The following CEP170 variants were observed in gnomAD, a reference collection of about 807,000 sequenced individuals.
CEP170 encodes centrosomal protein 170.
Under a neutral mutation model 151.9 loss-of-function variants are expected in CEP170, and 21 were observed. The ratio of observed to expected loss-of-function variants is 0.14; its 90% CI spans 0.10 to 0.20. CEP170 has a LOEUF of 0.20. Among genes scored for constraint, CEP170 ranks in the 10% least tolerant of loss-of-function variants. The pLI is 1.00. For synonymous variants in CEP170, 356 were observed against 648.8 expected (o/e 0.55, Z 6.86); for missense variants, 964 against 1,892.9 (o/e 0.51, Z 9.11).
chr1:243,135,356 G>A (rs1243677517), intron 17 of CEP170, among the ~76,000 whole-genome samples: 1 of 152,092 alleles, frequency 6.6e-6, no homozygotes, highest in African/African-American at 2.4e-5. Context: ...ACAGGCGCCC[G>A]CCACCACGCC....
At chr1:243,176,286 G>C (rs957466008) in intron 10 of CEP170, among the ~76,000 whole-genome samples, 3 of 152,040 alleles carry the variant, frequency 2.0e-5, no homozygotes, top group Non-Finnish European at 4.4e-5. Flanking sequence ...TGCACCCCAA[G>C]TTTGCCAGTT....
At chr1:243,205,893 C>T (rs1237314576) in intron 4 of CEP170, among the ~76,000 whole-genome samples, 2 of 147,576 alleles carry the variant, frequency 1.4e-5, no homozygotes, top group Admixed American at 1.4e-4. Flanking sequence ...AGAAGGTCAA[C>T]AAACCCCAAG....
chr1:243,141,839 T>C (rs2055869665), intron 15 of CEP170, among the ~76,000 whole-genome samples: 2 of 152,234 alleles, frequency 1.3e-5, no homozygotes. Context: ...TCAAAATATC[T>C]TTATGTGTAT....
intron 14 of CEP170, among the ~76,000 whole-genome samples, chr1:243,155,968 C>T (rs1183858511): frequency 2.0e-5 from 3 of 151,486 alleles, no homozygotes; most frequent in African/African-American, 7.3e-5. Flanking sequence ...AAAAGAAATT[C>T]TTAAAAAGGG....
chr1:243,138,041 A>T (rs1346019496), intron 16 of CEP170, among the ~76,000 whole-genome samples: 1 of 151,972 alleles, frequency 6.6e-6, no homozygotes, highest in Non-Finnish European at 1.5e-5. Flanking sequence ...GAGAAAGGGC[A>T]GGAGAGTCTA....
At chr1:243,244,325 A>AC (rs2065149469) in intron 1 of CEP170, among the ~76,000 whole-genome samples, 1 of 146,206 alleles carries the variant, frequency 6.8e-6, no homozygotes, top group Non-Finnish European at 1.5e-5. Flanking sequence ...ATCTAGAATA[A>AC]CCCCCCTGCC....
chr1:243,212,053 A>C, intron 3 of CEP170, 89 bp from the exon 4 acceptor site: 2 of 1,233,032 alleles, frequency 1.6e-6, no homozygotes, highest in Non-Finnish European at 2.2e-6. Flanking sequence ...CTGAGAGTTA[A>C]AAGCACATAT....
At chr1:243,223,370 T>G (rs768376791) in intron 2 of CEP170, among the ~76,000 whole-genome samples, 143 of 152,128 alleles carry the variant, frequency 9.4e-4, no homozygotes, top group Non-Finnish European at 1.5e-3. Context: ...GATATAGGAC[T>G]AAAGGAGTCA....
chr1:243,200,929 C>T, intron 4 of CEP170, 94 bp from the exon 5 acceptor site: 3 of 1,333,192 alleles, frequency 2.3e-6, no homozygotes, highest in Non-Finnish European at 3.1e-6. Context: ...TCTATTTCAA[C>T]AGGTAACTAC....
At chr1:243,213,857 C>T (rs1055655671) in intron 3 of CEP170, among the ~76,000 whole-genome samples, 5 of 152,114 alleles carry the variant, frequency 3.3e-5, no homozygotes, top group Non-Finnish European at 7.4e-5. Flanking sequence ...GGACTAGAGG[C>T]TTGTGCCACC....
chr1:243,135,407 C>T (rs1373727973), intron 17 of CEP170, among the ~76,000 whole-genome samples: 2 of 151,972 alleles, frequency 1.3e-5, no homozygotes, highest in South Asian at 2.1e-4. Context: ...AGGGTTTCAC[C>T]GTGTTAGCCA....
chr1:243,228,103 T>A lies in CEP170; in HGVS notation c.-41-2782A>T, dbSNP rs773507657. 2.9e-4 allele frequency among the ~76,000 whole-genome samples: 44 copies of A among 152,352 alleles called. 2 individuals carry two copies. Among genetic ancestry groups the A allele is most frequent in the Middle Eastern group, 3.4e-3 (1 of 294 alleles). On this transcript the variant is annotated intron_variant, in intron 1 of 19. Coordinates refer to ENST00000366542, the MANE Select transcript of CEP170 (RefSeq NM_014812.3). Reference sequence around the variant, plus strand: ...ATTCAACTGTATATTCTACTACACTTGAATTAGAGGCAAACTATACTACAG... The same window carrying A: ...ATTCAACTGTATATTCTACTACACTAGAATTAGAGGCAAACTATACTACAG...
chr1:243,161,817 T>C (rs1416681587), intron 13 of CEP170, among the ~76,000 whole-genome samples: 1 of 152,218 alleles, frequency 6.6e-6, no homozygotes, highest in African/African-American at 2.4e-5. Flanking sequence ...AAATCATGTT[T>C]CAAAAGTTAA....
At chr1:243,237,280 T>C (rs2064339935) in intron 1 of CEP170, among the ~76,000 whole-genome samples, 1 of 152,230 alleles carries the variant, frequency 6.6e-6, no homozygotes, top group African/African-American at 2.4e-5. Context: ...GAAATATTCC[T>C]GTCCAATACA....
rs1434342569 is a variant in CEP170, at chr1:243,166,040, T to C, written c.1920A>G (p.Arg640=). 2 of 1,612,500 alleles carry C rather than the reference T, an allele frequency of 1.2e-6. No homozygotes were observed. Among genetic ancestry groups the C allele is most frequent in the Non-Finnish European group, 1.7e-6 (2 of 1,179,144 alleles). The change falls in exon 13 of 20, where the codon AGA becomes AGG. Residue 640 remains arginine (R), a synonymous_variant. Transcript: ENST00000366542. The part of the protein sequence containing the change: ...SATSLASQGE[R]RRRTLPQLPN... ...GAAGCTGGGGAAGAGTTCGTCTCCT[T>C]CTCTCTCCCTGGCTAGCCAAGGAAG... is the stretch of plus-strand genomic sequence containing the variant.
intron 1 of CEP170, among the ~76,000 whole-genome samples, chr1:243,239,867 TG>T (rs1406246354): frequency 6.6e-6 from 1 of 152,254 alleles, no homozygotes; most frequent in Non-Finnish European, 1.5e-5. Flanking sequence ...TGGTATCTCT[TG>T]TACCTTGTAT....
At chr1:243,129,627 T>C (rs2054137042) in intron 17 of CEP170, among the ~76,000 whole-genome samples, 174 bp from the exon 18 acceptor site, 2 of 152,160 alleles carry the variant, frequency 1.3e-5, no homozygotes, top group Admixed American at 1.3e-4. Context: ...AATTCATGTG[T>C]ATGAGCTCCA....
chr1:243,146,818 G>A (rs887008151), intron 14 of CEP170, among the ~76,000 whole-genome samples: 2 of 152,188 alleles, frequency 1.3e-5, no homozygotes, highest in African/African-American at 4.8e-5. Flanking sequence ...GTACACGAAT[G>A]CAGGCACCAA....
At chr1:243,241,260 A>C (rs1014630414) in intron 1 of CEP170, among the ~76,000 whole-genome samples, 1 of 152,222 alleles carries the variant, frequency 6.6e-6, no homozygotes, top group African/African-American at 2.4e-5. Context: ...TGTGCTCCAC[A>C]TTAAGACTAC....
Sources: gnomAD v4.1 joint callset for allele counts (sites outside exome capture counted in the v4.1 genomes callset) on GRCh38, gnomAD v4.1.1 for gene constraint, MANE v1.5 for transcripts, NCBI Gene and HGNC (gene_info 2026-07-23, HGNC 2026-07-21) for gene names.